Variants in PRR12 observed in about 807,000 individuals in gnomAD.
PRR12 encodes the protein proline rich 12.
A neutral mutation model predicts 138.0 loss-of-function variants in PRR12; 12 were observed. The observed-to-expected ratio is 0.09, with a 90% CI of 0.06 to 0.14. The LOEUF is 0.14. Among genes scored for constraint, PRR12 ranks in the 10% least tolerant of loss-of-function variants. The pLI is 1.00. For missense variants in PRR12, 2,692 were observed against 2,861.3 expected, an observed-to-expected ratio of 0.94 and a Z score of 1.35; for synonymous variants, 1,567 against 1,291.7, an observed-to-expected ratio of 1.21 and a Z score of -4.57.
At position 49,596,712 on chromosome 19, in the gene PRR12, G is replaced by C; in HGVS notation, c.2377G>C (p.Val793Leu). 6.2e-7 allele frequency: 1 copy of C among 1,606,144 alleles called. No individual in the cohort carries two copies. Among genetic ancestry groups the C allele is most frequent in the Non-Finnish European group, 8.5e-7 (1 of 1,179,148 alleles). Residue 793 changes from valine (V) to leucine (L), a missense_variant, in exon 4 of 14, where the codon GTG (valine) becomes CTG (leucine). Physicochemically the swap from Val to Leu is conservative, Grantham distance 32. Transcript: ENST00000418929. This position sits in a 1 kb window ranked among gnomAD's most constrained non-coding sequence, Gnocchi z 5.6. ...GGCCGGGGGCCCTGACCTCCCACTG[G>C]TGCTGCCTCCGCCTCCCCCCCAGCT... is the stretch of plus-strand genomic sequence containing the variant. ...LEAGGPDLPL[V>L]LPPPPPQLLP...
rs780666384 is a variant in PRR12, at chr19:49,625,590, C to A, written c.6094C>A (p.His2032Asn). The A allele has an allele frequency of 1.1e-5, 18 of 1,608,782 alleles. No homozygotes were observed. Among genetic ancestry groups the A allele is most frequent in the Non-Finnish European group, 1.4e-5 (17 of 1,177,568 alleles). ...TGACCTGCTGGCCCAAGCACAGGCC[C>A]ACAGCCGCTGCGGGTGACCCCGCCC... Reference protein sequence around the residue: ...FSDLLAQAQAHSRCG With the variant: ...FSDLLAQAQANSRCG The change falls in exon 14 of 14, where the codon CAC becomes AAC. Residue 2032 changes from histidine to asparagine, a missense_variant. His to Asn is a moderately conservative substitution (Grantham distance 68). Around this residue, in one of 11 missense-constraint regions of PRR12, gnomAD observed 116 missense variants for 243.4 expected, o/e 0.48. Coordinates refer to ENST00000418929, the MANE Select transcript of PRR12 (RefSeq NM_020719.3). The surrounding 1 kb of genome is among the most constrained non-coding windows in gnomAD (Gnocchi z 5.5).
intron 4 of PRR12, among the ~76,000 whole-genome samples, chr19:49,598,373 C>T (rs1248586808): frequency 6.6e-6 from 1 of 152,158 alleles, no homozygotes; most frequent in African/African-American, 2.4e-5. Context: ...CGCGCCCGGC[C>T]TCCCGATGTT....
At chr19:49,624,760 G>A (rs890072495) in intron 11 of PRR12, 84 bp from the exon 12 acceptor site, 63 of 1,541,608 alleles carry the variant, frequency 4.1e-5, no homozygotes, top group Non-Finnish European at 5.1e-5. Flanking sequence ...GGGGGAAACT[G>A]AGGCACAGAT....
chr19:49,594,500 A>G lies in PRR12; in HGVS notation c.246A>G (p.Ala82=), dbSNP rs1395664442. The part of the protein sequence containing the change: ...FDTGLHHAGS[A]GPDASVMNLI... ...CTGGCCTCCACCACGCGGGCTCAGC[A>G]GGGCCCGACGCCTCCGTCATGAACC... The change falls in exon 3 of 14, where the codon GCA becomes GCG. Residue 82 remains alanine, a synonymous_variant. Transcript: ENST00000418929. This position sits in a 1 kb window ranked among gnomAD's most constrained non-coding sequence, Gnocchi z 5.6. 1.9e-6 allele frequency: 3 copies of G among 1,612,808 alleles called. No individual in the cohort carries two copies. The highest frequency in any genetic ancestry group is 2.5e-6 in the Non-Finnish European group (3 of 1,179,612).
chr19:49,613,837 G>A (rs1470245255), intron 6 of PRR12, among the ~76,000 whole-genome samples: 1 of 152,190 alleles, frequency 6.6e-6, no homozygotes, highest in African/African-American at 2.4e-5. Context: ...GGCTGGGCTT[G>A]GTGGATCACG....
intron 5 of PRR12, 84 bp from the exon 6 acceptor site, chr19:49,601,407 A>T (rs891843413): frequency 3.9e-6 from 3 of 762,272 alleles, no homozygotes; most frequent in South Asian, 3.6e-5. Flanking sequence ...GGCTTTTGGT[A>T]TAGAAAGCAG....
At chr19:49,605,819 A>G (rs564483112) in intron 6 of PRR12, among the ~76,000 whole-genome samples, 22 of 152,372 alleles carry the variant, frequency 1.4e-4, no homozygotes, top group South Asian at 1.2e-3. Flanking sequence ...GCGAGGACTC[A>G]GATGCTTAAA....
chr19:49,599,205 G>T lies in PRR12; in HGVS notation c.3679-67G>T. 6.9e-7 allele frequency: 1 copy of T among 1,443,432 alleles called. No individual in the cohort carries two copies. The highest frequency in any genetic ancestry group is 9.2e-7 in the Non-Finnish European group (1 of 1,091,654). 89.4% of individuals were successfully genotyped at this position (1,443,432 alleles called of 1,614,324 possible). A position where few individuals can be genotyped will look rare whatever the true frequency, so the allele number is the denominator to read the frequency against. ...CACCTGTAAATTTGGATTTTTGGGG[G>T]CTGAGGGAGGATGGGACTGGGGGCC... On this transcript the variant is annotated intron_variant, in intron 4 of 13. Coordinates refer to ENST00000418929, the MANE Select transcript of PRR12 (RefSeq NM_020719.3). The surrounding 1 kb of genome is among the most constrained non-coding windows in gnomAD (Gnocchi z 5.0).
chr19:49,592,563 C>T (rs1022056055), intron 1 of PRR12, among the ~76,000 whole-genome samples: 3 of 152,122 alleles, frequency 2.0e-5, no homozygotes, highest in African/African-American at 7.2e-5. Context: ...TCCCCAGCAC[C>T]TCCCCCCCAA....
intron 6 of PRR12, among the ~76,000 whole-genome samples, chr19:49,613,330 CAAAAAAAAAAAAAAAA>C (rs781467379): frequency 1.3e-5 from 1 of 76,708 alleles, no homozygotes; most frequent in Non-Finnish European, 2.9e-5. Context: ...GGCTCCATCT[CAAAAAAAAAAAAAAAA>C]AAAAAATCTG....
intron 2 of PRR12, among the ~76,000 whole-genome samples, chr19:49,593,886 C>T (rs1326618013): frequency 6.6e-6 from 1 of 152,156 alleles, no homozygotes; most frequent in Non-Finnish European, 1.5e-5. Context: ...ACCCACCTTG[C>T]CTTTGCCTCC....
Position 49,596,652 on chromosome 19 carries a change from T to C in PRR12, c.2317T>C (p.Ser773Pro). 6.2e-7 allele frequency: 1 copy of C among 1,600,546 alleles called. No individual in the cohort carries two copies. The highest frequency in any genetic ancestry group is 1.1e-5 in the South Asian group (1 of 90,194). Residue 773 changes from serine (S) to proline (P), a missense_variant, in exon 4 of 14, where the codon TCT becomes CCT. Transcript: ENST00000418929. The surrounding 1 kb of genome is among the most constrained non-coding windows in gnomAD (Gnocchi z 5.6). ...TCCGCCCCCACCTCCCACGGCCCAG[T>C]CTACCCAGCCCACTCCCCATGGCCT... Reference protein sequence around the residue: ...SPPPPPPTAQSTQPTPHGLLL... With the variant: ...SPPPPPPTAQPTQPTPHGLLL...
rs1162248440 is a variant in PRR12, at chr19:49,593,380, G to A, written c.140G>A (p.Arg47His). ...TSHPETDILH[R>H]QAYAAPHPLQ... ...CACCCCGAGACGGACATCTTACACC[G>A]CCAGGCCTATGCGGCCCCCCACCCA... The change falls in exon 2 of 14, where the codon CGC (arginine) becomes CAC (histidine). Residue 47 changes from arginine to histidine, a missense_variant. Transcript: ENST00000418929. 2.5e-6 allele frequency: 4 copies of A among 1,607,222 alleles called. No homozygotes were observed. Among genetic ancestry groups the A allele is most frequent in the African/African-American group, 2.7e-5 (2 of 73,574 alleles).
chr19:49,624,558 G>C (rs1469042509), intron 11 of PRR12, among the ~76,000 whole-genome samples: 1 of 151,592 alleles, frequency 6.6e-6, no homozygotes, highest in Non-Finnish European at 1.5e-5. Flanking sequence ...GGAATTCTGG[G>C]ATAGATGGTT....
chr19:49,614,746 G>A lies in PRR12; in HGVS notation c.4890+97G>A, dbSNP rs2080882887. Reference sequence around the variant, plus strand: ...GTGTGGCTGTGACTCACTCCACAGTGTATCTGGAAGGGGGCCCCCTGCTGC... The same window carrying A: ...GTGTGGCTGTGACTCACTCCACAGTATATCTGGAAGGGGGCCCCCTGCTGC... On this transcript the variant is annotated intron_variant, in intron 7 of 13. Coordinates refer to ENST00000418929, the MANE Select transcript of PRR12 (RefSeq NM_020719.3). The surrounding 1 kb of genome is among the most constrained non-coding windows in gnomAD (Gnocchi z 5.0). 1.3e-6 allele frequency: 2 copies of A among 1,490,946 alleles called. No homozygotes were observed. Among genetic ancestry groups the A allele is most frequent in the East Asian group, 2.4e-5 (1 of 41,992 alleles). The allele number at this position is 1,490,946 out of a possible 1,614,324, so 92.4% of individuals were successfully genotyped here.
In PRR12 at chr19:49,595,323, G is replaced by T; in HGVS notation, c.988G>T (p.Ala330Ser). ...YPSMGHRANL[A>S]CSPLGGGEPS... ...CTCCATGGGCCACCGGGCCAACCTG[G>T]CCTGCAGCCCCCTGGGTGGTGGGGA... The change falls in exon 4 of 14, where the codon GCC becomes TCC. Residue 330 changes from alanine (A) to serine (S), a missense_variant. Coordinates refer to ENST00000418929, the MANE Select transcript of PRR12 (RefSeq NM_020719.3). 1 of 1,545,042 alleles carries T rather than the reference G, an allele frequency of 6.5e-7. No individual in the cohort carries two copies.
Position 49,593,339 on chromosome 19 carries a change from C to T in PRR12, c.99C>T (p.Gly33=). The T allele has an allele frequency of 1.2e-6, 2 of 1,604,458 alleles. No individual in the cohort carries two copies. Among genetic ancestry groups the T allele is most frequent in the Non-Finnish European group, 1.7e-6 (2 of 1,174,620 alleles). The change falls in exon 2 of 14, where the codon GGC becomes GGT. Residue 33 remains glycine (G), a synonymous_variant. Coordinates refer to ENST00000418929, the MANE Select transcript of PRR12 (RefSeq NM_020719.3). The part of the protein sequence containing the change: ...ERSAKASLVY[G]SSRTSHPETD... ...CCTTTCCCCCCAGCTTGGTTTATGG[C>T]AGCTCCAGGACCTCGCACCCCGAGA...
rs1350449667 is a variant in PRR12, at chr19:49,594,284, TCA to T, written c.200-169_200-168del. Among the ~76,000 whole-genome samples the T allele has an allele frequency of 6.6e-6, 1 of 151,704 alleles. No individual in the cohort carries two copies. Among genetic ancestry groups the T allele is most frequent in the Non-Finnish European group, 1.5e-5 (1 of 67,932 alleles). On this transcript the variant is annotated intron_variant, in intron 2 of 13. Coordinates refer to ENST00000418929, the MANE Select transcript of PRR12 (RefSeq NM_020719.3). The surrounding 1 kb of genome is among the most constrained non-coding windows in gnomAD (Gnocchi z 5.6). ...TCTCACCTTTCCCCCTTCCCTCCCC[TCA>T]TTCATGTCTCATTAGCTTGGTTCTA...
In PRR12 at chr19:49,624,916, C is replaced by A; in HGVS notation, c.5794C>A (p.Arg1932=). ...GEGSPEEGAV[R]LRPAGEPYNR... is the part of the protein sequence containing the mutation. ...GGGCTCTCCGGAAGAGGGGGCTGTG[C>A]GGCTGCGGCCTGCTGGGGAACCCTA... The change falls in exon 12 of 14, where the codon CGG becomes AGG. Residue 1932 remains arginine, a synonymous_variant. Coordinates refer to ENST00000418929, the MANE Select transcript of PRR12 (RefSeq NM_020719.3). 6.2e-7 allele frequency: 1 copy of A among 1,604,166 alleles called. No homozygotes were observed. The highest frequency in any genetic ancestry group is 8.5e-7 in the Non-Finnish European group (1 of 1,175,064).
Sources: gnomAD v4.1 joint callset for allele counts (sites outside exome capture counted in the v4.1 genomes callset) on GRCh38, gnomAD v4.1.1 for gene constraint, gnomAD v4.1.1 regional missense constraint, Gnocchi (gnomAD v3.1) non-coding constraint, MANE v1.5 for transcripts, NCBI Gene and HGNC (gene_info 2026-07-23, HGNC 2026-07-21) for gene names.